Variants in SLC22A17 observed in about 807,000 individuals in gnomAD.
SLC22A17 encodes the protein 24p3 receptor.
In SLC22A17, 38 loss-of-function variants were observed where a neutral mutation model predicts 53.6. The observed-to-expected ratio is 0.71, with a 90% CI of 0.55 to 0.93. The LOEUF (loss-of-function observed/expected upper bound fraction) is 0.93. Ranked by LOEUF, SLC22A17 falls within the 40% of genes least tolerant of loss-of-function variation. The probability of loss-of-function intolerance (pLI) is 0.00; values close to 1 mark genes in which losing one functional copy is unlikely to be tolerated. For synonymous variants in SLC22A17, 379 were observed against 353.0 expected (o/e 1.07, Z -0.82); for missense variants, 704 against 791.0 (o/e 0.89, Z 1.32).
At chr14:23,351,825 C>T in exon 3 of SLC22A17, 1 of 1,613,708 alleles carries the variant, frequency 6.2e-7, no homozygotes, top group Non-Finnish European at 8.5e-7. Flanking sequence ...TCCAGGATCA[C>T]CTGCCAGCCC....
rs1889427657 is a variant in SLC22A17 at position 23,348,867 on chromosome 14, T to A, written c.860-196A>T. On this transcript the variant is annotated intron_variant, in intron 4 of 9. Coordinates refer to ENST00000397267, the Ensembl canonical transcript of SLC22A17. The surrounding 1 kb of genome is among the most constrained non-coding windows in gnomAD (Gnocchi z 4.5). Reference sequence around the variant, plus strand: ...TGTTCAGCCCTCTCTCCTCTCCTGCTCAAACCTAGGAGGGCTCTAGGGCCA... The same window carrying A: ...TGTTCAGCCCTCTCTCCTCTCCTGCACAAACCTAGGAGGGCTCTAGGGCCA... 3.2e-6 allele frequency: 2 copies of A among 634,120 alleles called. No homozygotes were observed. Among genetic ancestry groups the A allele is most frequent in the Admixed American group, 6.0e-5 (2 of 33,508 alleles). The allele number at this position is 634,120 out of a possible 1,614,324, so 39.3% of individuals were successfully genotyped here.
rs372274727 is a variant in SLC22A17, at chr14:23,346,716, G to C, written c.1882C>G (p.Leu628Val). 40 of 1,545,362 alleles carry C rather than the reference G, an allele frequency of 2.6e-5. No homozygotes were observed. The African/African-American group carries it at 5.1e-4, about 20-fold the overall frequency. Residue 628 changes from leucine (L) to valine (V), a missense_variant, in exon 10 of 10, where the codon CTG becomes GTG. Physicochemically the swap from Leu to Val is conservative, Grantham distance 32 (BLOSUM62 1). This residue lies in a region of SLC22A17 where 196 missense variants were observed against 171.5 expected (regional missense o/e 1.14). Coordinates refer to ENST00000397267, the Ensembl canonical transcript of SLC22A17. Reference sequence around the variant, plus strand: ...CAGCGGGTAGGGGGTGGCTGCCGCAGCAGGGAAGGCCGGCGACACAGCTCC... The same window carrying C: ...CAGCGGGTAGGGGGTGGCTGCCGCACCAGGGAAGGCCGGCGACACAGCTCC...
chr14:23,351,910 G>C (rs778604088), intron 2 of SLC22A17, 38 bp downstream of exon 2: 88 of 1,611,338 alleles, frequency 5.5e-5, no homozygotes, highest in Non-Finnish European at 7.1e-5. Context: ...GCCGCTCTCT[G>C]CCCGCCCCCA....
chr14:23,352,721 G>A lies in SLC22A17; in HGVS notation c.21C>T (p.Thr7=), dbSNP rs72542465. The A allele has an allele frequency of 2.9e-4, 116 of 399,060 alleles. No homozygotes were observed. The highest frequency in any genetic ancestry group is 2.1e-3 in the African/African-American group (101 of 48,724). 24.7% of individuals were successfully genotyped at this position (399,060 alleles called of 1,614,324 possible). ...CCCCGCCATTGGGCTCGGGGGTCCCGGTGGCCACCCGGGGAGCCAGCTTGC... is the reference window on the plus strand; with the variant it reads ...CCCCGCCATTGGGCTCGGGGGTCCCAGTGGCCACCCGGGGAGCCAGCTTGC... The change falls in exon 1 of 10, where the codon ACC becomes ACT. Residue 7 remains threonine (T), a synonymous_variant. Coordinates refer to ENST00000397267, the Ensembl canonical transcript of SLC22A17. This position sits in a 1 kb window ranked among gnomAD's most constrained non-coding sequence, Gnocchi z 7.2.
Position 23,347,017 on chromosome 14 carries a change from C to T in SLC22A17, c.1662-81G>A, listed in dbSNP as rs1049785783. On this transcript the variant is annotated intron_variant, in intron 9 of 9. Transcript: ENST00000397267. The surrounding 1 kb of genome is among the most constrained non-coding windows in gnomAD (Gnocchi z 5.1). ...CTCCCGCAGCCCCCCTCCTCCAGCCCGCAGGCCCTGTCCTCAGGGGTGGGG... is the reference window on the plus strand; with the variant it reads ...CTCCCGCAGCCCCCCTCCTCCAGCCTGCAGGCCCTGTCCTCAGGGGTGGGG... 59 of 1,507,550 alleles carry T rather than the reference C, an allele frequency of 3.9e-5. No homozygotes were observed. Among genetic ancestry groups the T allele is most frequent in the Admixed American group, 4.3e-5 (2 of 46,098 alleles). The allele number at this position is 1,507,550 out of a possible 1,614,324, so 93.4% of individuals were successfully genotyped here.
chr14:23,346,504 G>A lies in SLC22A17; in HGVS notation c.*144C>T, dbSNP rs1009037752. 1.0e-5 allele frequency: 11 copies of A among 1,049,430 alleles called. No homozygotes were observed. In the African/African-American group the frequency reaches 1.3e-4, roughly 12 times the overall value. 65.0% of individuals were successfully genotyped at this position (1,049,430 alleles called of 1,614,324 possible). A position where few individuals can be genotyped will look rare whatever the true frequency, so the allele number is the denominator to read the frequency against. On this transcript the variant is annotated 3_prime_UTR_variant, in exon 10 of 10. Coordinates refer to ENST00000397267, the Ensembl canonical transcript of SLC22A17. ...AGCAGCAGGGAGGAGGCAGGGTGGG[G>A]ACGGCCCTCTGAGCTCTCCGCGATG...
At chr14:23,349,001 T>A in intron 4 of SLC22A17, 1 of 597,026 alleles carries the variant, frequency 1.7e-6, no homozygotes, top group East Asian at 2.8e-5. Flanking sequence ...CTAGGGACAA[T>A]CCTTGTCCCT....
At chr14:23,346,888 C>T (rs1309619528) in exon 10 of SLC22A17, 2 of 1,538,792 alleles carry the variant, frequency 1.3e-6, no homozygotes, top group Non-Finnish European at 1.7e-6. Context: ...CCGGGCCGCT[C>T]AGTCCTCCAA....
At chr14:23,349,343 G>A in exon 4 of SLC22A17, 12 of 1,614,070 alleles carry the variant, frequency 7.4e-6, no homozygotes, top group South Asian at 1.1e-5. Flanking sequence ...CATGACGCCT[G>A]TGGAGGAGCC....
At position 23,347,349 on chromosome 14, in the gene SLC22A17, A is replaced by G; in HGVS notation, c.1549+111T>C. Reference sequence around the variant, plus strand: ...TGGGCATTCAGTAATTGACTGGGAGAGCAGATGGGGCTGTGGGGCCAGGTG... The same window carrying G: ...TGGGCATTCAGTAATTGACTGGGAGGGCAGATGGGGCTGTGGGGCCAGGTG... On this transcript the variant is annotated intron_variant, in intron 8 of 9. Transcript: ENST00000397267. This position sits in a 1 kb window ranked among gnomAD's most constrained non-coding sequence, Gnocchi z 5.1. 6.7e-7 allele frequency: 1 copy of G among 1,494,676 alleles called. No homozygotes were observed. Among genetic ancestry groups the G allele is most frequent in the Non-Finnish European group, 9.0e-7 (1 of 1,106,264 alleles). 92.6% of individuals were successfully genotyped at this position (1,494,676 alleles called of 1,614,324 possible).
At chr14:23,349,793 T>C (rs1428147305) in intron 3 of SLC22A17, 1 of 289,870 alleles carries the variant, frequency 3.4e-6, no homozygotes, top group Non-Finnish European at 6.6e-6. Flanking sequence ...GGCCTGGAGC[T>C]TATCTTGCTC....
At position 23,349,263 on chromosome 14, in the gene SLC22A17, G is replaced by A; in HGVS notation, c.859+9C>T. On this transcript the variant is annotated intron_variant, in intron 4 of 9. Coordinates refer to ENST00000397267, the Ensembl canonical transcript of SLC22A17. ...CCAAGGGAGGGAATTCTGGGAGGGT[G>A]CCACTTACGCATCAGGTAGACACCC... 1 of 1,613,936 alleles carries A rather than the reference G, an allele frequency of 6.2e-7. No homozygotes were observed. Among genetic ancestry groups the A allele is most frequent in the Non-Finnish European group, 8.5e-7 (1 of 1,179,978 alleles).
chr14:23,347,948 G>A lies in SLC22A17; in HGVS notation c.1220C>T (p.Ala407Val), dbSNP rs1230039062. The A allele has an allele frequency of 1.2e-6, 2 of 1,614,202 alleles. No individual in the cohort carries two copies. Residue 407 changes from alanine to valine, a missense_variant, in exon 7 of 10, where the codon GCT becomes GTT. Transcript: ENST00000397267. The surrounding 1 kb of genome is among the most constrained non-coding windows in gnomAD (Gnocchi z 5.1). ...GATGTTGCGGTAGTTGAGGAGGGAA[G>A]CAAAGGAAAAGGAGGATGTTGCAGG...
Position 23,349,585 on chromosome 14 carries a change from C to A in SLC22A17, c.705-159G>T. The A allele has an allele frequency of 6.1e-6, 5 of 825,328 alleles. No homozygotes were observed. In the South Asian group the frequency reaches 7.4e-5, roughly 12 times the overall value. The allele number at this position is 825,328 out of a possible 1,614,324, so 51.1% of individuals were successfully genotyped here. A position where few individuals can be genotyped will look rare whatever the true frequency, so the allele number is the denominator to read the frequency against. On this transcript the variant is annotated intron_variant, in intron 3 of 9. Coordinates refer to ENST00000397267, the Ensembl canonical transcript of SLC22A17. Reference sequence around the variant, plus strand: ...TGAGAAGATGGGGAGGGATGGGGACCATGGGTGGGTGATGCCTGGCTACTG... The same window carrying A: ...TGAGAAGATGGGGAGGGATGGGGACAATGGGTGGGTGATGCCTGGCTACTG...
At position 23,349,271 on chromosome 14, in the gene SLC22A17, C is replaced by G. The variant is rs1230128511; in HGVS notation, c.859+1G>C. On this transcript the variant is annotated splice_donor_variant, in intron 4 of 9. Transcript: ENST00000397267. LOFTEE classifies it high-confidence loss of function. ...GGGAATTCTGGGAGGGTGCCACTTA[C>G]GCATCAGGTAGACACCCAGGTCAAC... 1 of 1,613,816 alleles carries G rather than the reference C, an allele frequency of 6.2e-7. No individual in the cohort carries two copies. Among genetic ancestry groups the G allele is most frequent in the Admixed American group, 1.7e-5 (1 of 59,984 alleles).
chr14:23,352,289 C>T lies in SLC22A17; in HGVS notation c.259G>A (p.Val87Met). The stretch of plus-strand genomic sequence containing the variant: ...TGCTGGCCGCCGCCCAGCGCCCCCA[C>T]CTGGGCGAGCAGCGCCTCAAAGCTG... The change falls in exon 2 of 10, where the codon GTG (valine) becomes ATG (methionine). Residue 87 changes from valine to methionine, a missense_variant. Val to Met is a conservative substitution (Grantham distance 21, BLOSUM62 1). Transcript: ENST00000397267. The surrounding 1 kb of genome is among the most constrained non-coding windows in gnomAD (Gnocchi z 7.2). 1 of 1,402,786 alleles carries T rather than the reference C, an allele frequency of 7.1e-7. No individual in the cohort carries two copies. Among genetic ancestry groups the T allele is most frequent in the Non-Finnish European group, 9.3e-7 (1 of 1,079,570 alleles). 86.9% of individuals were successfully genotyped at this position (1,402,786 alleles called of 1,614,324 possible).
exon 10 of SLC22A17, chr14:23,346,753 C>G (rs1317478715): frequency 6.5e-7 from 1 of 1,544,092 alleles, no homozygotes; most frequent in East Asian, 2.4e-5. Flanking sequence ...CGTCCCGGAG[C>G]ACCTCGGGCA....
At position 23,346,948 on chromosome 14, in the gene SLC22A17, C is replaced by T. The variant is rs1054219279; in HGVS notation, c.1662-12G>A. 2.0e-6 allele frequency: 3 copies of T among 1,525,672 alleles called. No homozygotes were observed. Among genetic ancestry groups the T allele is most frequent in the Non-Finnish European group, 2.6e-6 (3 of 1,141,076 alleles). The allele number at this position is 1,525,672 out of a possible 1,614,324, so 94.5% of individuals were successfully genotyped here. A position where few individuals can be genotyped will look rare whatever the true frequency, so the allele number is the denominator to read the frequency against. On this transcript the variant is annotated splice_polypyrimidine_tract_variant and intron_variant, in intron 9 of 9. Transcript: ENST00000397267. ...CCAGGCCACGGCCCCTGGGGGGAGA[C>T]AGAGGAGGAGCTCAGCCCACAGCTG...
exon 10 of SLC22A17, chr14:23,346,932 G>T (rs748739899): frequency 1.3e-6 from 2 of 1,531,512 alleles, no homozygotes; most frequent in Non-Finnish European, 1.7e-6. Context: ...CCCAGGCCAC[G>T]GCCCCTGGGG....
Sources: allele counts gnomAD v4.1 joint callset, GRCh38; gene constraint gnomAD v4.1.1; regional missense constraint gnomAD v4.1.1; non-coding constraint Gnocchi (gnomAD v3.1); transcripts MANE v1.5; gene names NCBI Gene and HGNC (gene_info 2026-07-23, HGNC 2026-07-21).